Variants in PELI2 observed in about 807,000 individuals in gnomAD.
The protein encoded by PELI2 is pellino E3 ubiquitin protein ligase family member 2.
In PELI2, 23 loss-of-function variants were observed where a neutral mutation model predicts 42.3. The observed-to-expected ratio is 0.54, with a 90% confidence interval of 0.39 to 0.77. The LOEUF (loss-of-function observed/expected upper bound fraction) is 0.77, where lower values mean the gene tolerates loss of function less well. Ranked by LOEUF, PELI2 falls within the 30% of genes least tolerant of loss-of-function variation. PELI2 has a pLI of 0.00. For synonymous variants in PELI2, 245 were observed against 212.2 expected, an observed-to-expected ratio of 1.15 and a Z score of -1.34; for missense variants, 463 against 553.2, an observed-to-expected ratio of 0.84 and a Z score of 1.64.
intron 2 of PELI2, among the ~76,000 whole-genome samples, chr14:56,266,871 T>A (rs1594698739): frequency 6.6e-6 from 1 of 152,194 alleles, no homozygotes; most frequent in African/African-American, 2.4e-5. Flanking sequence ...TAAACCATGC[T>A]GCATCTATAC....
At chr14:56,130,665 G>A (rs1883452224) in intron 1 of PELI2, among the ~76,000 whole-genome samples, 4 of 151,660 alleles carry the variant, frequency 2.6e-5, no homozygotes, top group Admixed American at 2.6e-4. Flanking sequence ...CTGTTTTTGA[G>A]GAAATAAAAA....
At position 56,178,396 on chromosome 14, in the gene PELI2, A is replaced by T. The variant is rs1185286299; in HGVS notation, c.139A>T (p.Lys47Ter). The stretch of plus-strand genomic sequence containing the variant: ...GAGGAAAAGTAGATTTGCCCTCTAC[A>T]AGCGGCCCAAGGCAAATGGTGTCAA... ...GRRKSRFALY[K>*]RPKANGVKPS... Residue 47 changes from lysine (K) to a stop codon, truncating the protein, a stop_gained, in exon 2 of 6, where the codon AAG (lysine) becomes TAG (stop). Transcript: ENST00000267460. LOFTEE classifies it high-confidence loss of function. 1 of 1,614,182 alleles carries T rather than the reference A, an allele frequency of 6.2e-7. No homozygotes were observed.
intron 3 of PELI2, among the ~76,000 whole-genome samples, chr14:56,283,068 A>G (rs889635481): frequency 2.6e-5 from 4 of 152,186 alleles, no homozygotes; most frequent in African/African-American, 7.2e-5. Context: ...AAATTCCTTT[A>G]AGAAGAATCT....
intron 2 of PELI2, among the ~76,000 whole-genome samples, chr14:56,247,936 G>A (rs1888218557): frequency 2.0e-5 from 3 of 152,164 alleles, no homozygotes; most frequent in Admixed American, 2.0e-4. Flanking sequence ...AACGACAGAT[G>A]TCTATACTTT....
intron 2 of PELI2, among the ~76,000 whole-genome samples, chr14:56,205,096 G>A (rs957254318): frequency 1.3e-5 from 2 of 151,976 alleles, no homozygotes; most frequent in African/African-American, 2.4e-5. Context: ...CTCAGGCTGC[G>A]AGAGGTCAGG....
rs565787459 is a variant in PELI2 at position 56,207,332 on chromosome 14, T to TTA, written c.207+28876_207+28877dup. Among the ~76,000 whole-genome samples the TTA allele has an allele frequency of 3.4e-4, 52 of 152,212 alleles. No individual in the cohort carries two copies. The South Asian group carries it at 3.5e-3, about 10-fold the overall frequency. ...TGTTCTAGTCACTATGCTAATAATT[T>TTA]TATATATATTATTTAATTGCTCCAA... is the stretch of plus-strand genomic sequence containing the variant. On this transcript the variant is annotated intron_variant, in intron 2 of 5. Transcript: ENST00000267460.
chr14:56,223,036 C>T (rs1188604114), intron 2 of PELI2, among the ~76,000 whole-genome samples: 2 of 152,142 alleles, frequency 1.3e-5, no homozygotes, highest in Non-Finnish European at 2.9e-5. Flanking sequence ...GGGTAAATGG[C>T]TGCAGCCGAC....
intron 3 of PELI2, among the ~76,000 whole-genome samples, chr14:56,284,456 C>G (rs1259054484): frequency 1.3e-5 from 2 of 152,144 alleles, no homozygotes; most frequent in Non-Finnish European, 1.5e-5. Context: ...AGCCGGTGTT[C>G]AGGGGCCCTT....
intron 1 of PELI2, among the ~76,000 whole-genome samples, chr14:56,168,191 C>T (rs1268087123): frequency 6.6e-6 from 1 of 152,166 alleles, no homozygotes; most frequent in East Asian, 1.9e-4. Flanking sequence ...TATGTTCACT[C>T]AAGGCTCTGG....
rs116651164 is a variant in PELI2, at chr14:56,194,346, C to G, written c.207+15882C>G. ...CCTGTCTTTGGCTGTGGTCTCTTCA[C>G]TACCTACCCTGTCCAATCTAAGTGA... On this transcript the variant is annotated intron_variant, in intron 2 of 5. Transcript: ENST00000267460. 2.7e-3 allele frequency among the ~76,000 whole-genome samples: 418 copies of G among 152,312 alleles called. 1 individual carries two copies. The highest frequency in any genetic ancestry group is 9.7e-3 in the African/African-American group (405 of 41,566).
In PELI2 at chr14:56,300,095, A is replaced by G. The variant is rs1890128980; in HGVS notation, c.*2929A>G. The G allele has an allele frequency of 6.6e-6, 1 of 152,578 alleles. No homozygotes were observed. Among genetic ancestry groups the G allele is most frequent in the African/African-American group, 2.4e-5 (1 of 41,408 alleles). 9.5% of individuals were successfully genotyped at this position (152,578 alleles called of 1,614,324 possible). On this transcript the variant is annotated 3_prime_UTR_variant, in exon 6 of 6. Coordinates refer to ENST00000267460, the MANE Select transcript of PELI2 (RefSeq NM_021255.3). The stretch of plus-strand genomic sequence containing the variant: ...AAGGTTTCTGGATTTTTTTCTCCCA[A>G]CTGTGGCCCAAAAGAATTAAAATCT...
intron 1 of PELI2, among the ~76,000 whole-genome samples, chr14:56,160,743 C>T (rs1042846926): frequency 6.6e-6 from 1 of 152,124 alleles, no homozygotes; most frequent in Non-Finnish European, 1.5e-5. Context: ...GATGAAACGC[C>T]TCCTGTATTG....
chr14:56,191,156 C>T, intron 2 of PELI2, among the ~76,000 whole-genome samples: 1 of 152,104 alleles, frequency 6.6e-6, no homozygotes, highest in East Asian at 1.9e-4. Context: ...ATTGTGAGGT[C>T]CTGGACAGCA....
At chr14:56,172,054 A>ATGAC (rs1007060117) in intron 1 of PELI2, among the ~76,000 whole-genome samples, 1 of 152,052 alleles carries the variant, frequency 6.6e-6, no homozygotes, top group African/African-American at 2.4e-5. Context: ...CAGGGAGAGG[A>ATGAC]TGACTGTGGG....
chr14:56,213,989 C>T (rs1172209047), intron 2 of PELI2, among the ~76,000 whole-genome samples: 1 of 152,106 alleles, frequency 6.6e-6, no homozygotes, highest in Non-Finnish European at 1.5e-5. Flanking sequence ...GTAGCTGGAA[C>T]TACAGGCATG....
chr14:56,176,514 C>G (rs979250464), intron 1 of PELI2, among the ~76,000 whole-genome samples: 3 of 152,184 alleles, frequency 2.0e-5, no homozygotes, highest in African/African-American at 7.2e-5. Flanking sequence ...CATGCTCCCC[C>G]TAACTGCCAC....
At chr14:56,149,632 G>T (rs1884263488) in intron 1 of PELI2, among the ~76,000 whole-genome samples, 1 of 151,884 alleles carries the variant, frequency 6.6e-6, no homozygotes, top group East Asian at 1.9e-4. Flanking sequence ...ACATCACAGT[G>T]TGAAATCTTT....
intron 2 of PELI2, among the ~76,000 whole-genome samples, chr14:56,263,181 G>C (rs547283404): frequency 6.6e-6 from 1 of 152,206 alleles, no homozygotes; most frequent in Admixed American, 6.5e-5. Context: ...GGCTGGTGTC[G>C]AATTCCTGAC....
intron 1 of PELI2, among the ~76,000 whole-genome samples, chr14:56,141,030 T>C (rs1419663757): frequency 6.6e-6 from 1 of 152,168 alleles, no homozygotes; most frequent in Non-Finnish European, 1.5e-5. Flanking sequence ...TTCAGGAGTA[T>C]AAAAATAGTC....
Sources: gnomAD v4.1 joint callset for allele counts (sites outside exome capture counted in the v4.1 genomes callset) on GRCh38, gnomAD v4.1.1 for gene constraint, MANE v1.5 for transcripts, NCBI Gene and HGNC (gene_info 2026-07-23, HGNC 2026-07-21) for gene names.